GALNT13: variants seen among roughly 807,000 people sequenced by gnomAD.
GALNT13 encodes UDP-GalNAc:polypeptide N-acetylgalactosaminyltransferase 13.
A neutral mutation model predicts 64.2 loss-of-function variants in GALNT13; 28 were observed. The ratio of observed to expected loss-of-function variants is 0.44; its 90% CI spans 0.32 to 0.60. The LOEUF is 0.60. GALNT13 is among the 20% of genes least tolerant of loss of function. GALNT13 has a pLI of 0.05. For missense variants in GALNT13, 577 were observed against 669.8 expected, an observed-to-expected ratio of 0.86 and a Z score of 1.53; for synonymous variants, 214 against 224.6, an observed-to-expected ratio of 0.95 and a Z score of 0.42.
the GALNT13 span, among the ~76,000 whole-genome samples, chr2:153,183,166 C>T: frequency 6.6e-6 from 1 of 152,168 alleles, no homozygotes; most frequent in African/African-American, 2.4e-5. Context: ...TAATAATAGC[C>T]ATTCTGACTG....
chr2:153,118,278 G>A, the GALNT13 span, among the ~76,000 whole-genome samples: 3 of 152,150 alleles, frequency 2.0e-5, no homozygotes, highest in East Asian at 5.8e-4. Context: ...AATTTCAATT[G>A]CCCTTAATTT....
At chr2:153,634,011 G>A in the GALNT13 span, among the ~76,000 whole-genome samples, 7 of 152,026 alleles carry the variant, frequency 4.6e-5, no homozygotes, top group Non-Finnish European at 1.5e-5. Context: ...TTGAATTAAA[G>A]ATCATCATTT....
the GALNT13 span, among the ~76,000 whole-genome samples, chr2:153,827,666 G>C: frequency 6.7e-6 from 1 of 148,274 alleles, no homozygotes; most frequent in Non-Finnish European, 1.5e-5. Context: ...GAACACAGCC[G>C]AAGTATATCA....
chr2:154,215,568 G>A (rs1234823803), intron 4 of GALNT13, among the ~76,000 whole-genome samples: 2 of 152,020 alleles, frequency 1.3e-5, no homozygotes, highest in Non-Finnish European at 2.9e-5. Context: ...CAGCCAATAG[G>A]TAGTAACTAT....
At chr2:154,173,350 TTTAA>T (rs769450076) in intron 4 of GALNT13, among the ~76,000 whole-genome samples, 8 of 151,568 alleles carry the variant, frequency 5.3e-5, no homozygotes, top group African/African-American at 1.4e-4. Context: ...TTTAATTAAA[TTTAA>T]TTAATTAAAT....
the GALNT13 span, among the ~76,000 whole-genome samples, chr2:153,540,839 C>T: frequency 6.6e-6 from 1 of 152,190 alleles, no homozygotes. Context: ...AATATCTGTA[C>T]CCCCATTGTA....
At chr2:153,101,713 A>T in the GALNT13 span, among the ~76,000 whole-genome samples, 1 of 152,244 alleles carries the variant, frequency 6.6e-6, no homozygotes, top group Admixed American at 6.5e-5. Context: ...ATATTAAAAA[A>T]TAGGCAAACA....
At chr2:153,796,088 C>T in the GALNT13 span, among the ~76,000 whole-genome samples, 1 of 152,184 alleles carries the variant, frequency 6.6e-6, no homozygotes, top group Non-Finnish European at 1.5e-5. Flanking sequence ...ACTTCTTTTC[C>T]ACATACTTGC....
chr2:154,225,708 C>T (rs561538932), intron 4 of GALNT13, among the ~76,000 whole-genome samples: 1 of 152,024 alleles, frequency 6.6e-6, no homozygotes, highest in South Asian at 2.1e-4. Context: ...GATATGGAAG[C>T]CTTCAGGATA....
the GALNT13 span, among the ~76,000 whole-genome samples, chr2:153,619,369 T>G: frequency 2.6e-5 from 4 of 152,140 alleles, no homozygotes; most frequent in Non-Finnish European, 5.9e-5. Flanking sequence ...TCTATTTATG[T>G]CTTCACAAGT....
chr2:153,083,531 T>C, the GALNT13 span, among the ~76,000 whole-genome samples: 2 of 152,200 alleles, frequency 1.3e-5, no homozygotes, highest in Non-Finnish European at 2.9e-5. Context: ...TGGCCATTTG[T>C]ATAGCTTCTT....
chr2:153,301,065 C>G, the GALNT13 span, among the ~76,000 whole-genome samples: 1 of 151,884 alleles, frequency 6.6e-6, no homozygotes, highest in East Asian at 1.9e-4. Context: ...ATTAGCCAGG[C>G]ATGTGTGGTG....
the GALNT13 span, among the ~76,000 whole-genome samples, chr2:153,601,672 G>A: frequency 2.0e-5 from 3 of 151,644 alleles, no homozygotes; most frequent in Non-Finnish European, 4.4e-5. Context: ...CACATGTACT[G>A]TAATACCAGA....
At chr2:154,197,741 AT>A (rs1365306189) in intron 4 of GALNT13, among the ~76,000 whole-genome samples, 1 of 150,798 alleles carries the variant, frequency 6.6e-6, no homozygotes, top group Non-Finnish European at 1.5e-5. Context: ...TAAAAAAAAA[AT>A]AAAAAGAACA....
At chr2:153,347,399 A>G in the GALNT13 span, among the ~76,000 whole-genome samples, 1 of 152,244 alleles carries the variant, frequency 6.6e-6, no homozygotes, top group Admixed American at 6.5e-5. Flanking sequence ...TTGTCTTATC[A>G]GACTTCACTT....
chr2:154,027,313 C>T (rs546407956), intron 3 of GALNT13, among the ~76,000 whole-genome samples: 7 of 152,200 alleles, frequency 4.6e-5, no homozygotes, highest in East Asian at 1.9e-4. Context: ...ATGTCAGTAA[C>T]GTAACATTGG....
At chr2:153,302,396 G>A in the GALNT13 span, among the ~76,000 whole-genome samples, 4 of 151,956 alleles carry the variant, frequency 2.6e-5, no homozygotes, top group East Asian at 7.7e-4. Context: ...TTTTAAATCA[G>A]GGTTTTGTTT....
the GALNT13 span, among the ~76,000 whole-genome samples, chr2:153,610,398 G>A: frequency 6.6e-6 from 1 of 152,144 alleles, no homozygotes; most frequent in Non-Finnish European, 1.5e-5. Flanking sequence ...GATTGGGCCG[G>A]GCGCTGTGGC....
chr2:153,940,344 G>A (rs1424333793), intron 2 of GALNT13, among the ~76,000 whole-genome samples: 6 of 148,308 alleles, frequency 4.0e-5, no homozygotes, highest in Admixed American at 2.7e-4. Context: ...TGCAACCTCC[G>A]CCCCCCAGGT....
Sources: allele counts gnomAD v4.1 joint callset (sites outside exome capture counted in the v4.1 genomes callset), GRCh38; gene constraint gnomAD v4.1.1; transcripts MANE v1.5; gene names NCBI Gene and HGNC (gene_info 2026-07-23, HGNC 2026-07-21).